Variants in PSME4 observed in about 807,000 individuals in gnomAD.
PSME4 encodes the protein proteasome activator complex subunit 4.
PSME4 carries 89 observed loss-of-function variants against 253.9 expected under a neutral mutation model. The ratio of observed to expected loss-of-function variants is 0.35; its 90% confidence interval spans 0.30 to 0.42. The LOEUF is 0.42. Among genes scored for constraint, PSME4 ranks in the 10% least tolerant of loss-of-function variants. PSME4 has a pLI of 1.00. For synonymous variants in PSME4, 851 were observed against 759.2 expected, an observed-to-expected ratio of 1.12 and a Z score of -1.99; for missense variants, 2,014 against 2,195.2, an observed-to-expected ratio of 0.92 and a Z score of 1.65.
intron 21 of PSME4, among the ~76,000 whole-genome samples, chr2:53,909,427 G>A (rs780300390): frequency 4.6e-5 from 7 of 151,946 alleles, no homozygotes; most frequent in Admixed American, 2.6e-4. Flanking sequence ...TACAATATTC[G>A]TATTTACACC....
intron 32 of PSME4, 120 bp downstream of exon 32, chr2:53,896,684 A>G: frequency 1.4e-6 from 1 of 712,126 alleles, no homozygotes; most frequent in South Asian, 1.9e-5. Context: ...AATATTATTT[A>G]TATTTTGTGT....
At chr2:53,965,177 C>CTTTCT (rs1670657815) in intron 1 of PSME4, among the ~76,000 whole-genome samples, 1 of 152,182 alleles carries the variant, frequency 6.6e-6, no homozygotes, top group Non-Finnish European at 1.5e-5. Context: ...ATTCTCCATC[C>CTTTCT]TTTTCCCGCC....
At position 53,869,602 on chromosome 2, in the gene PSME4, G is replaced by C. The variant is rs539451675; in HGVS notation, c.5101-64C>G. ...AGTCTGAGGGAATAATGGAGGATAG[G>C]GGGTAGTGTGGGAACTGGGGTGAAG... is the stretch of plus-strand genomic sequence containing the variant. On this transcript the variant is annotated intron_variant, in intron 43 of 46. Coordinates refer to ENST00000404125, the MANE Select transcript of PSME4 (RefSeq NM_014614.3). 3.6e-5 allele frequency: 47 copies of C among 1,312,100 alleles called. No homozygotes were observed. The East Asian group carries it at 4.8e-4, about 13-fold the overall frequency. 81.3% of individuals were successfully genotyped at this position (1,312,100 alleles called of 1,614,324 possible). A position where few individuals can be genotyped will look rare whatever the true frequency, so the allele number is the denominator to read the frequency against.
In PSME4 at chr2:53,940,958, TATATATATATATATATATATA is replaced by T. The variant is rs1669399535; in HGVS notation, c.501-979_501-959del. Among the ~76,000 whole-genome samples, 43 of 49,620 alleles carry T rather than the reference TATATATATATATATATATATA, an allele frequency of 8.7e-4. 2 individuals are homozygous for T. The highest frequency in any genetic ancestry group is 1.5e-3 in the Non-Finnish European group (34 of 21,994). The allele number at this position is 49,620 out of a possible 152,430, so 32.6% of individuals were successfully genotyped here. A position where few individuals can be genotyped will look rare whatever the true frequency, so the allele number is the denominator to read the frequency against. On this transcript the variant is annotated intron_variant, in intron 3 of 46. Coordinates refer to ENST00000404125, the MANE Select transcript of PSME4 (RefSeq NM_014614.3). Reference sequence around the variant, plus strand: ...ATATATAAATATATATATACATATATATATATATATATATATATATATATATATATATATATATATATGAAA... The same window carrying T: ...ATATATAAATATATATATACATATATTATATATATATATATATATATGAAA...
At chr2:53,900,136 G>A (rs1476444672) in intron 28 of PSME4, 119 bp from the exon 29 acceptor site, 20 of 935,060 alleles carry the variant, frequency 2.1e-5, no homozygotes, top group East Asian at 5.2e-5. Flanking sequence ...CATATTTTAC[G>A]ATTCCATTTA....
intron 4 of PSME4, among the ~76,000 whole-genome samples, chr2:53,939,704 C>T (rs1436358164): frequency 6.6e-6 from 1 of 152,178 alleles, no homozygotes; most frequent in Non-Finnish European, 1.5e-5. Flanking sequence ...CTAGGAAATG[C>T]TTCCAAATAA....
chr2:53,916,931 T>C (rs1163242030), intron 20 of PSME4, among the ~76,000 whole-genome samples: 1 of 151,986 alleles, frequency 6.6e-6, no homozygotes, highest in African/African-American at 2.4e-5. Context: ...TGTTCATTTA[T>C]TCTTAATTTT....
At chr2:53,927,541 T>A in intron 11 of PSME4, 58 bp from the exon 12 acceptor site, 1 of 1,210,096 alleles carries the variant, frequency 8.3e-7, no homozygotes, top group Non-Finnish European at 1.2e-6. Flanking sequence ...GAAATACAAG[T>A]ATACCATGAA....
chr2:53,932,520 C>T (rs1462555190), intron 9 of PSME4, 148 bp downstream of exon 9: 1 of 671,700 alleles, frequency 1.5e-6, no homozygotes, highest in African/African-American at 1.8e-5. Context: ...CTCTCCCACA[C>T]AGTAATTTAA....
chr2:53,910,819 T>A (rs1667798043), intron 20 of PSME4, among the ~76,000 whole-genome samples: 1 of 152,222 alleles, frequency 6.6e-6, no homozygotes, highest in South Asian at 2.1e-4. Flanking sequence ...ACATTTTCTT[T>A]AGTGAAAAAT....
Position 53,875,664 on chromosome 2 carries a change from G to A in PSME4, c.4907C>T (p.Pro1636Leu), listed in dbSNP as rs769134085. 5.0e-6 allele frequency: 8 copies of A among 1,612,834 alleles called. No individual in the cohort carries two copies. Among genetic ancestry groups the A allele is most frequent in the Non-Finnish European group, 6.8e-6 (8 of 1,179,240 alleles). Reference protein sequence around the residue: ...LSLMSQGLLYPHQVPLVLQVL... With the variant: ...LSLMSQGLLYLHQVPLVLQVL... ...CTGAAGTACCAAAGGCACTTGATGA[G>A]GGTAAAGCAACCCCTGAGACATTAA... Residue 1636 changes from proline (P) to leucine (L), a missense_variant, in exon 42 of 47, where the codon CCT becomes CTT. By Grantham distance (98) the Pro-to-Leu change is moderately conservative. Coordinates refer to ENST00000404125, the MANE Select transcript of PSME4 (RefSeq NM_014614.3).
Position 53,864,650 on chromosome 2 carries a change from T to A in PSME4, c.*928A>T, listed in dbSNP as rs1442982058. ...CTACAGTTTATACACTCTTTTACATTTATATAACATATTAAACAAATCAAT... is the reference window on the plus strand; with the variant it reads ...CTACAGTTTATACACTCTTTTACATATATATAACATATTAAACAAATCAAT... On this transcript the variant is annotated 3_prime_UTR_variant, in exon 47 of 47. Transcript: ENST00000404125. The A allele has an allele frequency of 1.3e-5, 2 of 152,578 alleles. No individual in the cohort carries two copies. The highest frequency in any genetic ancestry group is 4.8e-5 in the African/African-American group (2 of 41,436). The allele number at this position is 152,578 out of a possible 1,614,324, so 9.5% of individuals were successfully genotyped here. A position where few individuals can be genotyped will look rare whatever the true frequency, so the allele number is the denominator to read the frequency against.
intron 41 of PSME4, among the ~76,000 whole-genome samples, chr2:53,879,068 T>C (rs752193394): frequency 2.6e-5 from 4 of 152,158 alleles, no homozygotes; most frequent in Admixed American, 6.5e-5. Flanking sequence ...TCTTTTGTAC[T>C]CTGTCCCTTT....
intron 3 of PSME4, 107 bp from the exon 4 acceptor site, chr2:53,940,107 G>T: frequency 1.2e-6 from 1 of 856,120 alleles, no homozygotes; most frequent in Non-Finnish European, 1.7e-6. Flanking sequence ...GGTATTATTT[G>T]TTTACATGTA....
At chr2:53,904,464 A>C (rs1002414617) in intron 26 of PSME4, among the ~76,000 whole-genome samples, 3 of 152,198 alleles carry the variant, frequency 2.0e-5, no homozygotes, top group Non-Finnish European at 4.4e-5. Flanking sequence ...GCATACTACT[A>C]AACTTTTTAT....
chr2:53,931,735 C>G (rs534758677), intron 10 of PSME4, 100 bp downstream of exon 10: 5 of 1,308,420 alleles, frequency 3.8e-6, no homozygotes, highest in South Asian at 1.5e-5. Flanking sequence ...GAATAAGCAT[C>G]GAAGAAGCAA....
Position 53,906,878 on chromosome 2 carries a change from A to C in PSME4, c.2785-10T>G, listed in dbSNP as rs1680683618. On this transcript the variant is annotated splice_polypyrimidine_tract_variant and intron_variant, in intron 24 of 46. Transcript: ENST00000404125. Reference sequence around the variant, plus strand: ...GTTTTTTCCCATGGAGCTGGAAAACAAAGTAGCAACAAATACTTCAACATT... The same window carrying C: ...GTTTTTTCCCATGGAGCTGGAAAACCAAGTAGCAACAAATACTTCAACATT... 1 of 1,611,852 alleles carries C rather than the reference A, an allele frequency of 6.2e-7. No homozygotes were observed. The highest frequency in any genetic ancestry group is 1.7e-5 in the Admixed American group (1 of 59,958).
At chr2:53,935,769 A>G (rs1197717531) in intron 7 of PSME4, among the ~76,000 whole-genome samples, 1 of 152,128 alleles carries the variant, frequency 6.6e-6, no homozygotes, top group Non-Finnish European at 1.5e-5. Flanking sequence ...AGCCCTGTAA[A>G]TTATTTATAT....
intron 1 of PSME4, among the ~76,000 whole-genome samples, chr2:53,949,923 A>G (rs1158117472): frequency 6.6e-6 from 1 of 152,220 alleles, no homozygotes; most frequent in African/African-American, 2.4e-5. Flanking sequence ...TTTGATGGTT[A>G]ACTATTTTAT....
Sources: allele counts gnomAD v4.1 joint callset (sites outside exome capture counted in the v4.1 genomes callset), GRCh38; gene constraint gnomAD v4.1.1; transcripts MANE v1.5; gene names NCBI Gene and HGNC (gene_info 2026-07-23, HGNC 2026-07-21).